NAALADL2: variants seen among roughly 807,000 people sequenced by gnomAD.
NAALADL2 encodes the protein inactive N-acetylated-alpha-linked acidic dipeptidase-like protein 2.
NAALADL2 carries 76 observed loss-of-function variants against 87.2 expected under a neutral mutation model. That is an observed-to-expected ratio of 0.87 (90% CI 0.72 to 1.05). The LOEUF is 1.05. Among genes scored for constraint, NAALADL2 ranks in the 50% least tolerant of loss-of-function variants. The probability of loss-of-function intolerance (pLI) is 0.00; values close to 1 mark genes in which losing one functional copy is unlikely to be tolerated. For synonymous variants in NAALADL2, 354 were observed against 331.0 expected, an observed-to-expected ratio of 1.07 and a Z score of -0.75; for missense variants, 1,089 against 945.8, an observed-to-expected ratio of 1.15 and a Z score of -1.99.
At chr3:174,944,183 C>A (rs6771451) in intron 1 of NAALADL2, among the ~76,000 whole-genome samples, 6,285 of 152,224 alleles carry the variant, frequency 0.041, 440 homozygotes, top group African/African-American at 0.14. Context: ...AGCTTCATCC[C>A]AGGGAGGCAT....
chr3:175,576,206 T>G lies in NAALADL2; in HGVS notation c.1800+19T>G, dbSNP rs138271552. ...ATTAGAGGTGATTGTTCCTAAAAAA[T>G]GCAAAACACACACACACAATATAGT... On this transcript the variant is annotated intron_variant, in intron 10 of 13. Transcript: ENST00000454872. 1 of 1,606,736 alleles carries G rather than the reference T, an allele frequency of 6.2e-7. No individual in the cohort carries two copies. The highest frequency in any genetic ancestry group is 2.2e-5 in the East Asian group (1 of 44,816).
intron 11 of NAALADL2, among the ~76,000 whole-genome samples, chr3:175,704,540 T>G (rs996983048): frequency 2.0e-5 from 3 of 152,146 alleles, no homozygotes; most frequent in African/African-American, 4.8e-5. Flanking sequence ...TTTGTTTCAT[T>G]TTCTCTTTGC....
intron 1 of NAALADL2, among the ~76,000 whole-genome samples, chr3:174,887,255 T>G (rs1259700242): frequency 7.0e-6 from 1 of 143,626 alleles, no homozygotes; most frequent in East Asian, 2.0e-4. Context: ...AAATGTAATT[T>G]AGATGATCTT....
At chr3:175,405,404 A>G (rs1712137012) in intron 5 of NAALADL2, among the ~76,000 whole-genome samples, 1 of 152,140 alleles carries the variant, frequency 6.6e-6, no homozygotes, top group African/African-American at 2.4e-5. Context: ...ACAATAATTT[A>G]ACTCTTTTGA....
chr3:174,700,346 A>C (rs957153995), intron 2 of NAALADL2, among the ~76,000 whole-genome samples: 4 of 151,848 alleles, frequency 2.6e-5, no homozygotes, highest in African/African-American at 4.8e-5. Context: ...CAATTTACTT[A>C]ATTTTATATT....
At chr3:175,020,572 C>T (rs1751437771) in intron 1 of NAALADL2, among the ~76,000 whole-genome samples, 1 of 152,088 alleles carries the variant, frequency 6.6e-6, no homozygotes, top group Admixed American at 6.6e-5. Context: ...CAACTGGCAT[C>T]ATCATTATTT....
At chr3:175,511,334 GA>G in intron 9 of NAALADL2, among the ~76,000 whole-genome samples, 1 of 152,286 alleles carries the variant, frequency 6.6e-6, no homozygotes, top group East Asian at 1.9e-4. Context: ...CCTTTGTAAA[GA>G]GCTGATTAAG....
At chr3:175,096,767 A>C in intron 1 of NAALADL2, 23 bp from the exon 2 acceptor site, 1 of 1,393,094 alleles carries the variant, frequency 7.2e-7, no homozygotes, top group Non-Finnish European at 9.5e-7. Context: ...TTTTATTAAA[A>C]TATATTTTTC....
intron 10 of NAALADL2, among the ~76,000 whole-genome samples, chr3:175,603,685 T>C (rs1028633365): frequency 6.6e-6 from 1 of 152,192 alleles, no homozygotes; most frequent in African/African-American, 2.4e-5. Flanking sequence ...TTCCATTGCA[T>C]GTATAGGCTG....
intron 1 of NAALADL2, among the ~76,000 whole-genome samples, chr3:174,999,791 TC>T (rs1190829802): frequency 2.0e-5 from 3 of 152,144 alleles, no homozygotes; most frequent in Non-Finnish European, 4.4e-5. Flanking sequence ...TTATTAAACT[TC>T]TCAATATTAA....
rs748708899 is a variant in NAALADL2 at position 175,467,116 on chromosome 3, C to T, written c.1465C>T (p.Arg489Ter). ...SKVKRGWRPD[R>*]TIVFCSWGGT... ...AGTTAAGAGAGGGTGGAGACCAGAC[C>T]GAACTATTGTTTTCTGTTCTTGGGG... is the stretch of plus-strand genomic sequence containing the variant. The change falls in exon 8 of 14, where the codon CGA (arginine) becomes TGA (stop). Residue 489 changes from arginine (R) to a stop codon, truncating the protein, a stop_gained. Transcript: ENST00000454872. LOFTEE classifies it high-confidence loss of function. The T allele has an allele frequency of 4.3e-6, 7 of 1,613,708 alleles. No individual in the cohort carries two copies. The highest frequency in any genetic ancestry group is 2.2e-5 in the East Asian group (1 of 44,876).
intron 11 of NAALADL2, among the ~76,000 whole-genome samples, chr3:175,711,628 A>G (rs1014555714): frequency 6.6e-6 from 1 of 151,922 alleles, no homozygotes; most frequent in Non-Finnish European, 1.5e-5. Context: ...CAAATAATAC[A>G]TAACCTATTT....
chr3:175,093,126 T>C (rs1720453605), intron 1 of NAALADL2, among the ~76,000 whole-genome samples: 1 of 151,750 alleles, frequency 6.6e-6, no homozygotes, highest in Admixed American at 6.6e-5. Flanking sequence ...AACCAAATCA[T>C]CTGCATCAGT....
At chr3:175,060,221 T>G (rs1330441375) in intron 1 of NAALADL2, among the ~76,000 whole-genome samples, 4 of 152,194 alleles carry the variant, frequency 2.6e-5, no homozygotes, top group Non-Finnish European at 5.9e-5. Context: ...ATGAAAGTGC[T>G]CATAGGCTGC....
At chr3:175,533,380 G>T (rs1475708416) in intron 9 of NAALADL2, among the ~76,000 whole-genome samples, 1 of 152,290 alleles carries the variant, frequency 6.6e-6, no homozygotes, top group African/African-American at 2.4e-5. Flanking sequence ...AGGGGTGTTG[G>T]GGGTGGCTCC....
At chr3:175,190,502 C>T (rs920488716) in intron 2 of NAALADL2, among the ~76,000 whole-genome samples, 8 of 152,234 alleles carry the variant, frequency 5.3e-5, no homozygotes, top group African/African-American at 1.7e-4. Context: ...TATATCAACT[C>T]ACACCTGTTA....
Position 174,807,601 on chromosome 3 carries a change from A to G in NAALADL2, c.-9+69855A>G, listed in dbSNP as rs147788328. Reference sequence around the variant, plus strand: ...ATGAATTTGTAGTTTGCAAGTATATATAAATTGTGGAAATACTAGAACTAG... The same window carrying G: ...ATGAATTTGTAGTTTGCAAGTATATGTAAATTGTGGAAATACTAGAACTAG... On this transcript the variant is annotated intron_variant, in intron 3 of 3. Transcript: ENST00000434257. 5.3e-5 allele frequency among the ~76,000 whole-genome samples: 8 copies of G among 152,234 alleles called. No individual in the cohort carries two copies. The East Asian group carries it at 9.7e-4, about 18-fold the overall frequency.
intron 2 of NAALADL2, among the ~76,000 whole-genome samples, chr3:174,572,814 T>A (rs777995492): frequency 6.6e-6 from 1 of 152,206 alleles, no homozygotes; most frequent in Non-Finnish European, 1.5e-5. Context: ...ATTCAAATAA[T>A]AACAACAGTG....
At chr3:175,280,506 A>G (rs1560283995) in intron 4 of NAALADL2, among the ~76,000 whole-genome samples, 1 of 152,134 alleles carries the variant, frequency 6.6e-6, no homozygotes, top group African/African-American at 2.4e-5. Context: ...GCACCCTGCT[A>G]GGACATAATG....
Sources: gnomAD v4.1 joint callset for allele counts (sites outside exome capture counted in the v4.1 genomes callset) on GRCh38, gnomAD v4.1.1 for gene constraint, MANE v1.5 for transcripts, NCBI Gene and HGNC (gene_info 2026-07-23, HGNC 2026-07-21) for gene names.